The following TULP1 variants were observed in gnomAD, a reference collection of about 807,000 sequenced individuals.
TULP1 encodes tubby-related protein 1.
Under a neutral mutation model 67.1 loss-of-function variants are expected in TULP1, and 50 were observed. That is an observed-to-expected ratio of 0.75 (90% CI 0.59 to 0.94). TULP1 has a LOEUF of 0.94. Among genes scored for constraint, TULP1 ranks in the 40% least tolerant of loss-of-function variants. The pLI is 0.00. For synonymous variants in TULP1, 297 were observed against 294.0 expected (o/e 1.01, Z -0.11); for missense variants, 746 against 734.1 (o/e 1.02, Z -0.19).
intron 2 of TULP1, 74 bp downstream of exon 2, chr6:35,512,565 A>G: frequency 6.3e-7 from 1 of 1,598,974 alleles, no homozygotes; most frequent in Non-Finnish European, 8.6e-7. Context: ...TCCCACCCCT[A>G]GACCCCCTAC....
At chr6:35,510,806 A>G (rs1189630885) in intron 5 of TULP1, 55 bp downstream of exon 5, 1 of 1,610,606 alleles carries the variant, frequency 6.2e-7, no homozygotes, top group Admixed American at 1.7e-5. Flanking sequence ...CAAGCCCTCC[A>G]AGGACAGGGC....
intron 8 of TULP1, among the ~76,000 whole-genome samples, chr6:35,506,905 A>G (rs1026690522): frequency 6.6e-6 from 1 of 152,192 alleles, no homozygotes; most frequent in African/African-American, 2.4e-5. Context: ...TCTAAGCACT[A>G]TGGAAGTGTT....
In TULP1 at chr6:35,498,039, G is replaced by C. The variant is rs1002110957; in HGVS notation, c.*288C>G. The C allele has an allele frequency of 3.5e-6, 2 of 574,424 alleles. No homozygotes were observed. The highest frequency in any genetic ancestry group is 6.2e-6 in the Non-Finnish European group (2 of 321,916). 35.6% of individuals were successfully genotyped at this position (574,424 alleles called of 1,614,324 possible). On this transcript the variant is annotated 3_prime_UTR_variant, in exon 15 of 15. Coordinates refer to ENST00000229771, the MANE Select transcript of TULP1 (RefSeq NM_003322.6). This position sits in a 1 kb window ranked among gnomAD's most constrained non-coding sequence, Gnocchi z 6.7. ...TACTGCTCCCGGACAGGAAGTGACTGGGGCGCGGGGAGGAGGGGGGCACAG... is the reference window on the plus strand; with the variant it reads ...TACTGCTCCCGGACAGGAAGTGACTCGGGCGCGGGGAGGAGGGGGGCACAG...
chr6:35,498,393 C>T lies in TULP1; in HGVS notation c.1563G>A (p.Pro521=), dbSNP rs1031077618. The T allele has an allele frequency of 1.3e-5, 21 of 1,613,678 alleles. No individual in the cohort carries two copies. The highest frequency in any genetic ancestry group is 1.8e-5 in the Non-Finnish European group (21 of 1,179,990). ...TGGCGAAGGCCTGCAGGGCGCACAG[C>T]GGGTACCGGTAGTCTAGGGTGAAGG... ...EDAFTLDYRY[P]LCALQAFAIA... The change falls in exon 15 of 15, where the codon CCG becomes CCA. Residue 521 remains proline (P), a synonymous_variant. Transcript: ENST00000229771. This position sits in a 1 kb window ranked among gnomAD's most constrained non-coding sequence, Gnocchi z 6.7.
Position 35,509,759 on chromosome 6 carries a change from G to A in TULP1, c.602-9C>T. 2 of 1,614,044 alleles carry A rather than the reference G, an allele frequency of 1.2e-6. No homozygotes were observed. The highest frequency in any genetic ancestry group is 1.7e-6 in the Non-Finnish European group (2 of 1,179,980). ...GTCGGCCTCCCCAGACCCTGCATGTGTGGATGTGAAAGCGTCACAACCCCC... is the reference window on the plus strand; with the variant it reads ...GTCGGCCTCCCCAGACCCTGCATGTATGGATGTGAAAGCGTCACAACCCCC... On this transcript the variant is annotated splice_polypyrimidine_tract_variant and intron_variant, in intron 6 of 14. Coordinates refer to ENST00000229771, the MANE Select transcript of TULP1 (RefSeq NM_003322.6).
At chr6:35,512,719 TCCCTTC>T in intron 1 of TULP1, 29 bp from the exon 2 acceptor site, 1 of 1,612,146 alleles carries the variant, frequency 6.2e-7, no homozygotes, top group Non-Finnish European at 8.5e-7. Flanking sequence ...TCAGCCTGTC[TCCCTTC>T]CCCTTCCCTC....
In TULP1 at chr6:35,506,029, A is replaced by G. The variant is rs531117205; in HGVS notation, c.973T>C (p.Phe325Leu). Residue 325 changes from phenylalanine (F) to leucine (L), a missense_variant, in exon 10 of 15, where the codon TTC (phenylalanine) becomes CTC (leucine). Phe to Leu is a conservative substitution (Grantham distance 22). Coordinates refer to ENST00000229771, the MANE Select transcript of TULP1 (RefSeq NM_003322.6). ...TTCTTCTCCGTGTCCAGGTGCAGGA[A>G]GTAGGAGGGATACATGCCTCGATCC... ...GMDRGMYPSY[F>L]LHLDTEKKVF... The G allele has an allele frequency of 1.2e-6, 2 of 1,613,980 alleles. No individual in the cohort carries two copies. The highest frequency in any genetic ancestry group is 1.3e-5 in the African/African-American group (1 of 75,046).
Position 35,501,009 on chromosome 6 carries a change from G to A in TULP1, c.1324-857C>T, listed in dbSNP as rs1760944979. On this transcript the variant is annotated intron_variant, in intron 13 of 14. Coordinates refer to ENST00000229771, the MANE Select transcript of TULP1 (RefSeq NM_003322.6). Reference sequence around the variant, plus strand: ...GGAAGGATGTGTGATCAGCTGACGGGGTATTATCTTTCATTGTAAATGAGT... The same window carrying A: ...GGAAGGATGTGTGATCAGCTGACGGAGTATTATCTTTCATTGTAAATGAGT... Among the ~76,000 whole-genome samples, 5 of 152,044 alleles carry A rather than the reference G, an allele frequency of 3.3e-5. No homozygotes were observed. The South Asian group carries it at 8.3e-4, about 25-fold the overall frequency.
intron 11 of TULP1, chr6:35,505,386 T>C (rs1181478186): frequency 2.6e-6 from 1 of 388,186 alleles, no homozygotes; most frequent in Non-Finnish European, 5.0e-6. Context: ...TAAATACTTG[T>C]TGAGTAGCTA....
At chr6:35,504,993 G>A (rs185742281) in intron 11 of TULP1, among the ~76,000 whole-genome samples, 20 of 152,240 alleles carry the variant, frequency 1.3e-4, no homozygotes, top group African/African-American at 4.8e-4. Flanking sequence ...TGGAAGTGCA[G>A]TGGCATGATC....
At chr6:35,510,248 G>T (rs904875172) in intron 5 of TULP1, among the ~76,000 whole-genome samples, 9 of 152,038 alleles carry the variant, frequency 5.9e-5, no homozygotes, top group Admixed American at 2.0e-4. Flanking sequence ...GCTCATTTTG[G>T]TTTTTCTTTC....
At chr6:35,508,061 CCCATCTG>C (rs1380014643) in intron 8 of TULP1, among the ~76,000 whole-genome samples, 1 of 152,132 alleles carries the variant, frequency 6.6e-6, no homozygotes, top group Non-Finnish European at 1.5e-5. Flanking sequence ...CTTCAAGTGA[CCCATCTG>C]CCTCCTCCTC....
intron 13 of TULP1, among the ~76,000 whole-genome samples, chr6:35,502,756 CCCAAAG>C (rs2150923679): frequency 6.6e-6 from 1 of 152,138 alleles, no homozygotes; most frequent in South Asian, 2.1e-4. Context: ...ACCTTGTCCT[CCCAAAG>C]TGCTGGGGAT....
At chr6:35,506,391 G>A (rs1761089855) in intron 8 of TULP1, 112 bp from the exon 9 acceptor site, 3 of 1,272,970 alleles carry the variant, frequency 2.4e-6, no homozygotes, top group Non-Finnish European at 3.3e-6. Flanking sequence ...AAGTTAGGAG[G>A]CTCTGGGGAG....
Position 35,503,783 on chromosome 6 carries a change from C to A in TULP1, c.1178G>T (p.Ser393Ile). 2 of 1,613,600 alleles carry A rather than the reference C, an allele frequency of 1.2e-6. No homozygotes were observed. Among genetic ancestry groups the A allele is most frequent in the Non-Finnish European group, 1.7e-6 (2 of 1,179,872 alleles). Residue 393 changes from serine to isoleucine, a missense_variant, in exon 12 of 15, where the codon AGC becomes ATC. Transcript: ENST00000229771. The surrounding 1 kb of genome is among the most constrained non-coding windows in gnomAD (Gnocchi z 4.0). ...CTGCCGAAGGCTTGCCACATTAGTG[C>A]TGTACCCACGCTGTGGGTTCTGCCC... ...DNGQNPQRGY[S>I]TNVASLRQEL...
In TULP1 at chr6:35,500,082, G is replaced by C. The variant is rs1036874387; in HGVS notation, c.1394C>G (p.Pro465Arg). The part of the protein sequence containing the change: ...LESLIELHNK[P>R]PVWNDDSGSY... ...GCCACTGTCATCGTTCCAGACAGGTGGCTTGTTGTGCAGTTCTATGAGGCT... is the reference window on the plus strand; with the variant it reads ...GCCACTGTCATCGTTCCAGACAGGTCGCTTGTTGTGCAGTTCTATGAGGCT... Residue 465 changes from proline to arginine, a missense_variant, in exon 14 of 15, where the codon CCA becomes CGA. Transcript: ENST00000229771. 2.5e-6 allele frequency: 4 copies of C among 1,614,186 alleles called. No individual in the cohort carries two copies. Among genetic ancestry groups the C allele is most frequent in the Middle Eastern group, 1.6e-4 (1 of 6,062 alleles).
intron 13 of TULP1, among the ~76,000 whole-genome samples, chr6:35,501,175 T>TCA (rs375852823): frequency 0.024 from 3,618 of 150,982 alleles, 70 homozygotes; most frequent in Non-Finnish European, 0.036. Flanking sequence ...CATCTTAAAC[T>TCA]CACACACACA....
chr6:35,508,041 G>C (rs964189580), intron 8 of TULP1, among the ~76,000 whole-genome samples: 4 of 152,220 alleles, frequency 2.6e-5, no homozygotes, highest in South Asian at 2.1e-4. Context: ...AGGCTGGTTT[G>C]AACTCCTGAC....
At position 35,498,434 on chromosome 6, in the gene TULP1, G is replaced by A. The variant is rs751036771; in HGVS notation, c.1522C>T (p.Arg508Cys). ...AGGGTGAAGGCGTCCTCCGCCACGC[G>A]GCCGAACTGCAGCACGATATAGTCG... ...DPDYIVLQFG[R>C]VAEDAFTLDY... is the part of the protein sequence containing the mutation. The change falls in exon 15 of 15, where the codon CGC becomes TGC. Residue 508 changes from arginine (R) to cysteine (C), a missense_variant. Physicochemically the swap from Arg to Cys is radical, Grantham distance 180 (BLOSUM62 -3). This residue lies in a region of TULP1 where 383 missense variants were observed against 374.1 expected (regional missense o/e 1.02). Coordinates refer to ENST00000229771, the MANE Select transcript of TULP1 (RefSeq NM_003322.6). The surrounding 1 kb of genome is among the most constrained non-coding windows in gnomAD (Gnocchi z 6.7). The A allele has an allele frequency of 8.7e-6, 14 of 1,613,956 alleles. No individual in the cohort carries two copies. Among genetic ancestry groups the A allele is most frequent in the Non-Finnish European group, 1.2e-5 (14 of 1,180,032 alleles).
Sources: gnomAD v4.1 joint callset for allele counts (sites outside exome capture counted in the v4.1 genomes callset) on GRCh38, gnomAD v4.1.1 for gene constraint, gnomAD v4.1.1 regional missense constraint, Gnocchi (gnomAD v3.1) non-coding constraint, MANE v1.5 for transcripts, NCBI Gene and HGNC (gene_info 2026-07-23, HGNC 2026-07-21) for gene names.